Variants in HECW2 observed in about 807,000 individuals in gnomAD.
HECW2 encodes the protein E3 ubiquitin-protein ligase HECW2.
A neutral mutation model predicts 175.2 loss-of-function variants in HECW2; 61 were observed. The ratio of observed to expected loss-of-function variants is 0.35; its 90% CI spans 0.28 to 0.43. The LOEUF (loss-of-function observed/expected upper bound fraction) is 0.43. Among genes scored for constraint, HECW2 ranks in the 20% least tolerant of loss-of-function variants. The probability of loss-of-function intolerance (pLI) is 1.00; values close to 1 mark genes in which losing one functional copy is unlikely to be tolerated. For synonymous variants in HECW2, 671 were observed against 731.0 expected (o/e 0.92, Z 1.32); for missense variants, 1,524 against 2,000.5 (o/e 0.76, Z 4.54).
chr2:196,231,500 G>T (rs2105850560), intron 21 of HECW2, among the ~76,000 whole-genome samples: 1 of 152,326 alleles, frequency 6.6e-6, no homozygotes, highest in East Asian at 1.9e-4. Flanking sequence ...TAAATAAAGT[G>T]TTACTGGAAC....
intron 2 of HECW2, among the ~76,000 whole-genome samples, chr2:196,385,428 C>A (rs1483458296): frequency 6.6e-6 from 1 of 152,084 alleles, no homozygotes; most frequent in East Asian, 1.9e-4. Context: ...ATTAATTTTC[C>A]ATCATGCAGA....
intron 1 of HECW2, among the ~76,000 whole-genome samples, chr2:196,514,753 T>G (rs1305551743): frequency 6.6e-6 from 1 of 152,110 alleles, no homozygotes; most frequent in African/African-American, 2.4e-5. Flanking sequence ...GACGACCTGC[T>G]TGCAGAAAGG....
At chr2:196,591,676 T>G (rs1056938273) in intron 1 of HECW2, among the ~76,000 whole-genome samples, 7 of 152,200 alleles carry the variant, frequency 4.6e-5, no homozygotes, top group African/African-American at 1.7e-4. Context: ...GTGGATAATT[T>G]CTGAAGAATA....
At chr2:196,216,045 C>T in intron 27 of HECW2, 68 bp from the exon 28 acceptor site, 1 of 1,048,734 alleles carries the variant, frequency 9.5e-7, no homozygotes, top group Admixed American at 1.8e-5. Context: ...GGCATCACGT[C>T]ATTCACGGGC....
chr2:196,320,856 A>C (rs1575411602), intron 7 of HECW2, among the ~76,000 whole-genome samples: 1 of 152,222 alleles, frequency 6.6e-6, no homozygotes, highest in African/African-American at 2.4e-5. Flanking sequence ...GGCATTTAGC[A>C]CAACAGAAAG....
chr2:196,565,092 A>T (rs1322394998), intron 1 of HECW2, among the ~76,000 whole-genome samples: 1 of 152,076 alleles, frequency 6.6e-6, no homozygotes, highest in Non-Finnish European at 1.5e-5. Context: ...AATGCTCCCC[A>T]CTAACTTCAC....
Position 196,402,774 on chromosome 2 carries a change from A to G in HECW2, c.292+30358T>C, listed in dbSNP as rs184546606. On this transcript the variant is annotated intron_variant, in intron 2 of 28. Transcript: ENST00000644978. The stretch of plus-strand genomic sequence containing the variant: ...ATATTGTAAATCAAATAAAGTAATC[A>G]ATTAACAAACAGATTCCTTGCCTTG... Among the ~76,000 whole-genome samples the G allele has an allele frequency of 5.0e-3, 767 of 151,890 alleles. 3 individuals carry two copies. Among genetic ancestry groups the G allele is most frequent in the African/African-American group, 0.018 (740 of 41,374 alleles).
chr2:196,576,661 C>T (rs1690573026), intron 1 of HECW2, among the ~76,000 whole-genome samples: 1 of 152,108 alleles, frequency 6.6e-6, no homozygotes, highest in Admixed American at 6.5e-5. Flanking sequence ...TAGTTGGCAA[C>T]ACTAATTGTA....
intron 17 of HECW2, 155 bp from the exon 18 acceptor site, chr2:196,258,061 G>C (rs970559242): frequency 3.5e-6 from 2 of 567,042 alleles, no homozygotes; most frequent in African/African-American, 1.9e-5. Flanking sequence ...ATCCAAGAGA[G>C]ACATGGTCTT....
Position 196,194,629 on chromosome 2 carries a change from T to C in HECW2, c.*6648A>G, listed in dbSNP as rs1686629259. On this transcript the variant is annotated 3_prime_UTR_variant, in exon 29 of 29. Transcript: ENST00000644978. ...CCCATATAATACCACCCAGAAACCA[T>C]TTCTAGGATGTCAACAATCTGCATT... 1 of 152,070 alleles carries C rather than the reference T, an allele frequency of 6.6e-6. No homozygotes were observed. The highest frequency in any genetic ancestry group is 1.5e-5 in the Non-Finnish European group (1 of 67,998). 9.4% of individuals were successfully genotyped at this position (152,070 alleles called of 1,614,324 possible).
chr2:196,464,258 C>A (rs1696859624), intron 1 of HECW2, among the ~76,000 whole-genome samples: 1 of 152,088 alleles, frequency 6.6e-6, no homozygotes, highest in Non-Finnish European at 1.5e-5. Context: ...TTTAAACATA[C>A]CCCAGAATTC....
intron 1 of HECW2, among the ~76,000 whole-genome samples, chr2:196,458,298 G>A (rs960305753): frequency 1.3e-5 from 2 of 151,872 alleles, no homozygotes; most frequent in Admixed American, 1.3e-4. Flanking sequence ...GTAAAATATT[G>A]GGAACTATCT....
At chr2:196,542,925 T>C (rs1283986201) in intron 1 of HECW2, among the ~76,000 whole-genome samples, 2 of 148,244 alleles carry the variant, frequency 1.3e-5, no homozygotes, top group Non-Finnish European at 3.0e-5. Context: ...TCTATAGATA[T>C]AGATAGCTAT....
rs1190668126 is a variant in HECW2, at chr2:196,198,439, A to C, written c.*2838T>G. 4 of 152,270 alleles carry C rather than the reference A, an allele frequency of 2.6e-5. No individual in the cohort carries two copies. Among genetic ancestry groups the C allele is most frequent in the South Asian group, 2.1e-4 (1 of 4,820 alleles). The allele number at this position is 152,270 out of a possible 1,614,324, so 9.4% of individuals were successfully genotyped here. ...CATTCCTTGATTGTAGAACTTACCAAATTTTATTAAAAACACTTTTTTGAA... is the reference window on the plus strand; with the variant it reads ...CATTCCTTGATTGTAGAACTTACCACATTTTATTAAAAACACTTTTTTGAA... On this transcript the variant is annotated 3_prime_UTR_variant, in exon 29 of 29. Transcript: ENST00000644978.
intron 21 of HECW2, among the ~76,000 whole-genome samples, chr2:196,234,203 C>T (rs775677513): frequency 1.3e-5 from 2 of 152,054 alleles, no homozygotes; most frequent in Non-Finnish European, 2.9e-5. Flanking sequence ...TTTACGCAGG[C>T]CACTATTTCT....
At chr2:196,407,209 CTTT>C (rs142961175) in intron 2 of HECW2, among the ~76,000 whole-genome samples, 1 of 143,446 alleles carries the variant, frequency 7.0e-6, no homozygotes, top group African/African-American at 2.6e-5. Flanking sequence ...ACTTTCAAAA[CTTT>C]TTTTTTTTTT....
At chr2:196,548,989 A>G (rs139008674) in intron 1 of HECW2, among the ~76,000 whole-genome samples, 9 of 152,276 alleles carry the variant, frequency 5.9e-5, no homozygotes, top group Non-Finnish European at 1.2e-4. Context: ...TCTCCAGTTA[A>G]GGTCACATTC....
intron 1 of HECW2, among the ~76,000 whole-genome samples, chr2:196,519,867 C>A (rs1688289484): frequency 6.6e-6 from 1 of 152,166 alleles, no homozygotes; most frequent in South Asian, 2.1e-4. Context: ...CAGGGGTAAT[C>A]AACTGACTAA....
At chr2:196,338,546 G>C (rs992322341) in intron 3 of HECW2, among the ~76,000 whole-genome samples, 1 of 152,000 alleles carries the variant, frequency 6.6e-6, no homozygotes, top group East Asian at 1.9e-4. Flanking sequence ...CTGCAAAAAG[G>C]TTCTACAAGC....
Sources: allele counts gnomAD v4.1 joint callset (sites outside exome capture counted in the v4.1 genomes callset), GRCh38; gene constraint gnomAD v4.1.1; transcripts MANE v1.5; gene names NCBI Gene and HGNC (gene_info 2026-07-23, HGNC 2026-07-21).